ST6GALNAC6: variants seen among roughly 807,000 people sequenced by gnomAD.
ST6GALNAC6 encodes ST6 N-acetylgalactosaminide alpha-2,6-sialyltransferase 6.
In ST6GALNAC6, 19 loss-of-function variants were observed where a neutral mutation model predicts 34.3. That is an observed-to-expected ratio of 0.55 (90% CI 0.39 to 0.81). ST6GALNAC6 has a LOEUF of 0.81. Among genes scored for constraint, ST6GALNAC6 ranks in the 40% least tolerant of loss-of-function variants. The pLI, the probability that ST6GALNAC6 is intolerant of heterozygous loss-of-function variation, is 0.00. For synonymous variants in ST6GALNAC6, 185 were observed against 182.1 expected (o/e 1.02, Z -0.13); for missense variants, 377 against 467.7 (o/e 0.81, Z 1.79).
At position 127,894,097 on chromosome 9, in the gene ST6GALNAC6, C is replaced by T. The variant is rs1420460220; in HGVS notation, c.297+415G>A. Among the ~76,000 whole-genome samples the T allele has an allele frequency of 2.6e-5, 4 of 152,160 alleles. No homozygotes were observed. The East Asian group carries it at 7.7e-4, about 29-fold the overall frequency. On this transcript the variant is annotated intron_variant, in intron 4 of 6. Coordinates refer to ENST00000373146, the MANE Select transcript of ST6GALNAC6 (RefSeq NM_013443.5). ...CCAAGGAAGATAATAATGCTGCCCT[C>T]ACAGGGCTTGTCTGAGGATTACTGG...
At chr9:127,888,601 G>T (rs1023495306) in intron 5 of ST6GALNAC6, among the ~76,000 whole-genome samples, 45 of 148,558 alleles carry the variant, frequency 3.0e-4, no homozygotes, top group African/African-American at 1.1e-3. Context: ...GAAGTCAAGA[G>T]ATTGAGACCA....
chr9:127,903,537 C>T (rs1456281805), upstream of ST6GALNAC6: 1 of 152,230 alleles, frequency 6.6e-6, no homozygotes, highest in Non-Finnish European at 1.5e-5. Flanking sequence ...GCAGTAGTCC[C>T]CCAGGGTCCA....
chr9:127,891,119 G>C, intron 4 of ST6GALNAC6, 76 bp from the exon 5 acceptor site: 1 of 1,515,344 alleles, frequency 6.6e-7, no homozygotes, highest in Non-Finnish European at 8.9e-7. Context: ...AGGCCTCCAG[G>C]ACCCAGGAAT....
At chr9:127,899,643 C>A (rs1195019791), upstream of ST6GALNAC6, 13 of 983,456 alleles carry the variant, frequency 1.3e-5, no homozygotes, top group Non-Finnish European at 1.6e-5. Context: ...GCCGCCGTCA[C>A]GGCCCGGCCC....
chr9:127,892,239 C>T (rs1376898183), intron 4 of ST6GALNAC6, among the ~76,000 whole-genome samples: 1 of 152,212 alleles, frequency 6.6e-6, no homozygotes, highest in Non-Finnish European at 1.5e-5. Flanking sequence ...ACAGTCTAAC[C>T]ACCCTTGCTC....
intron 2 of ST6GALNAC6, chr9:127,897,055 G>A (rs1016402028): frequency 9.2e-6 from 8 of 871,274 alleles, no homozygotes; most frequent in Non-Finnish European, 1.1e-5. Flanking sequence ...CTCCTCATCT[G>A]TCAAATGGCT....
chr9:127,896,280 G>T lies in ST6GALNAC6; in HGVS notation c.79C>A (p.Pro27Thr). 1 of 1,614,118 alleles carries T rather than the reference G, an allele frequency of 6.2e-7. No individual in the cohort carries two copies. The highest frequency in any genetic ancestry group is 8.5e-7 in the Non-Finnish European group (1 of 1,179,988). ...ATTTCTCTCCGGCGTCTGCTGAGGG[G>T]TAGGTGTCGGCGTCCTGCAGGTGGC... is the stretch of plus-strand genomic sequence containing the variant. ...PGPPAGRRHL[P>T]LSRRRREMSS... Residue 27 changes from proline to threonine, a missense_variant, in exon 3 of 7, where the codon CCC (proline) becomes ACC (threonine). Transcript: ENST00000373146.
At chr9:127,906,116 G>A, upstream of ST6GALNAC6, 1 of 779,292 alleles carries the variant, frequency 1.3e-6, no homozygotes. Flanking sequence ...CCAAGTGCCA[G>A]GTCTCAGCCC....
chr9:127,901,388 G>A (rs1438554066), upstream of ST6GALNAC6, among the ~76,000 whole-genome samples: 7 of 151,908 alleles, frequency 4.6e-5, no homozygotes, highest in African/African-American at 9.7e-5. Context: ...TCAGGAGTTC[G>A]AGACCAGCCT....
upstream of ST6GALNAC6, chr9:127,899,760 A>ACCGAG: frequency 2.9e-6 from 2 of 683,670 alleles, no homozygotes; most frequent in Non-Finnish European, 3.6e-6. Context: ...CCGCCTGGTG[A>ACCGAG]GCGCCTCGGT....
At chr9:127,906,089 A>G, upstream of ST6GALNAC6, 1 of 948,214 alleles carries the variant, frequency 1.1e-6, no homozygotes, top group Non-Finnish European at 1.3e-6. Flanking sequence ...AGCCGGGCAC[A>G]AAAGCGGTGC....
At chr9:127,904,353 CCCCCCCCAGCCCTT>C (rs1383740815), upstream of ST6GALNAC6, 1 of 151,770 alleles carries the variant, frequency 6.6e-6, no homozygotes, top group Non-Finnish European at 1.5e-5. Context: ...CGTGGGCCTC[CCCCCCCCAGCCCTT>C]CCCCCACAGT....
chr9:127,897,084 G>T, intron 2 of ST6GALNAC6: 1 of 872,220 alleles, frequency 1.1e-6, no homozygotes. Flanking sequence ...AGTCTCAGGG[G>T]GTGGCTGGGG....
chr9:127,895,568 CTTATA>C (rs1830402611), intron 3 of ST6GALNAC6, among the ~76,000 whole-genome samples: 1 of 152,202 alleles, frequency 6.6e-6, no homozygotes, highest in Non-Finnish European at 1.5e-5. Context: ...AGGGGTGCTC[CTTATA>C]TTAATATCTG....
At chr9:127,904,457 C>T (rs1210205179), upstream of ST6GALNAC6, 2 of 152,248 alleles carry the variant, frequency 1.3e-5, no homozygotes, top group African/African-American at 4.8e-5. Flanking sequence ...TGCTTCCTGA[C>T]CCTTAGCAAA....
chr9:127,900,557 T>G, upstream of ST6GALNAC6, among the ~76,000 whole-genome samples: 2 of 47,814 alleles, frequency 4.2e-5, no homozygotes, highest in Non-Finnish European at 7.7e-5. Flanking sequence ...CGAAACTCCG[T>G]CTCAAAAAAA....
chr9:127,895,469 C>T (rs1830396185), intron 3 of ST6GALNAC6, among the ~76,000 whole-genome samples: 1 of 152,208 alleles, frequency 6.6e-6, no homozygotes, highest in Non-Finnish European at 1.5e-5. Flanking sequence ...GCGGCTTCCC[C>T]TCCCCAGGCC....
intron 5 of ST6GALNAC6, among the ~76,000 whole-genome samples, chr9:127,888,286 C>G (rs528442221): frequency 6.7e-6 from 1 of 149,840 alleles, no homozygotes; most frequent in Admixed American, 6.7e-5. Flanking sequence ...GGCGGATCAC[C>G]TGAGGTCAGG....
intron 2 of ST6GALNAC6, chr9:127,896,842 C>G (rs1830488111): frequency 1.0e-6 from 1 of 984,952 alleles, no homozygotes; most frequent in African/African-American, 1.7e-5. Context: ...CCTCCCATCC[C>G]CCCAGGCTAA....
Sources: gnomAD v4.1 joint callset for allele counts (sites outside exome capture counted in the v4.1 genomes callset) on GRCh38, gnomAD v4.1.1 for gene constraint, MANE v1.5 for transcripts, NCBI Gene and HGNC (gene_info 2026-07-23, HGNC 2026-07-21) for gene names.